Variants in FBXL18 observed in about 807,000 individuals in gnomAD.
FBXL18 encodes the protein F-box/LRR-repeat protein 18.
FBXL18 carries 36 observed loss-of-function variants against 46.0 expected under a neutral mutation model. That is an observed-to-expected ratio of 0.78 (90% CI 0.60 to 1.03). FBXL18 has a LOEUF of 1.03. Ranked by LOEUF, FBXL18 falls within the 50% of genes least tolerant of loss-of-function variation. The pLI, the probability that FBXL18 is intolerant of heterozygous loss-of-function variation, is 0.00. For missense variants in FBXL18, 977 were observed against 1,004.1 expected (o/e 0.97, Z 0.36); for synonymous variants, 557 against 465.3 (o/e 1.20, Z -2.54).
rs899409973 is a variant in FBXL18, at chr7:5,455,351, A to G, written c.2001-7508T>C. 1.3e-5 allele frequency among the ~76,000 whole-genome samples: 2 copies of G among 151,824 alleles called. No individual in the cohort carries two copies. Among genetic ancestry groups the G allele is most frequent in the Non-Finnish European group, 2.9e-5 (2 of 67,932 alleles). On this transcript the variant is annotated intron_variant and NMD_transcript_variant, in intron 4 of 6. Coordinates refer to the FBXL18 transcript ENST00000415009. This position sits in a 1 kb window ranked among gnomAD's most constrained non-coding sequence, Gnocchi z 4.6. ...GAGCACTCAGGGCACATACTTGAACATTCTCAGGCCACATACTTGGGGAGC... is the reference window on the plus strand; with the variant it reads ...GAGCACTCAGGGCACATACTTGAACGTTCTCAGGCCACATACTTGGGGAGC...
chr7:5,505,658 C>T, intron 1 of FBXL18, 28 bp from the exon 2 acceptor site: 1 of 1,593,846 alleles, frequency 6.3e-7, no homozygotes, highest in South Asian at 1.1e-5. Context: ...ACCATTCCCA[C>T]AGGATCCCCA....
intron 2 of FBXL18, among the ~76,000 whole-genome samples, chr7:5,504,773 C>G (rs1229082158): frequency 6.7e-6 from 1 of 148,994 alleles, no homozygotes; most frequent in Non-Finnish European, 1.5e-5. Context: ...AAAATTAGCC[C>G]GGCGTGGTGG....
Position 5,505,409 on chromosome 7 carries a change from C to T in FBXL18, c.237+3G>A, listed in dbSNP as rs762109826. 1 of 1,613,764 alleles carries T rather than the reference C, an allele frequency of 6.2e-7. No individual in the cohort carries two copies. Among genetic ancestry groups the T allele is most frequent in the South Asian group, 1.1e-5 (1 of 91,046 alleles). On this transcript the variant is annotated splice_donor_region_variant and intron_variant, in intron 2 of 4. Coordinates refer to ENST00000382368, the MANE Select transcript of FBXL18 (RefSeq NM_024963.6). ...CTCATCTCCTGCCCCCACGCCTGCT[C>T]ACCTGATAGTCCTTTTGCAGCAACA...
intron 4 of FBXL18, among the ~76,000 whole-genome samples, chr7:5,464,159 C>T (rs2128231266): frequency 6.6e-6 from 1 of 152,194 alleles, no homozygotes; most frequent in African/African-American, 2.4e-5. Context: ...GCCTGGCCAA[C>T]ATGGTGAAAC....
chr7:5,471,283 G>A (rs750902640), downstream of FBXL18, among the ~76,000 whole-genome samples: 25 of 152,274 alleles, frequency 1.6e-4, no homozygotes, highest in Non-Finnish European at 3.1e-4. Context: ...GCAAACCCTC[G>A]GAACACACGG....
At position 5,489,922 on chromosome 7, in the gene FBXL18, A is replaced by T. The variant is rs1356701731; in HGVS notation, c.2000+1309T>A. ...ATCCCGCCACTGCACTCCAGCCTGGACGACAGAGTGAGACTCTGTCTCAAA... is the reference window on the plus strand; with the variant it reads ...ATCCCGCCACTGCACTCCAGCCTGGTCGACAGAGTGAGACTCTGTCTCAAA... On this transcript the variant is annotated intron_variant, in intron 4 of 4. Transcript: ENST00000382368. The T allele has an allele frequency of 1.1e-5, 13 of 1,170,766 alleles. No homozygotes were observed. In the South Asian group the frequency reaches 1.5e-4, roughly 13 times the overall value. 72.5% of individuals were successfully genotyped at this position (1,170,766 alleles called of 1,614,324 possible).
downstream of FBXL18, among the ~76,000 whole-genome samples, chr7:5,472,730 A>C (rs1032928935): frequency 2.0e-5 from 3 of 152,102 alleles, no homozygotes; most frequent in Non-Finnish European, 4.4e-5. Context: ...CCAACTGCTG[A>C]GTCACTGTGG....
chr7:5,474,898 C>CG (rs1412709840), downstream of FBXL18, among the ~76,000 whole-genome samples: 11 of 149,338 alleles, frequency 7.4e-5, no homozygotes, highest in Non-Finnish European at 1.3e-4. Context: ...TCAGTAGAGA[C>CG]GGGGTTTCAC....
At chr7:5,460,597 G>A (rs1783230225) in intron 4 of FBXL18, among the ~76,000 whole-genome samples, 2 of 152,182 alleles carry the variant, frequency 1.3e-5, no homozygotes, top group African/African-American at 4.8e-5. Context: ...GGGGTTACCG[G>A]CATGTGCCAC....
intron 2 of FBXL18, 81 bp from the exon 3 acceptor site, chr7:5,502,112 C>G: frequency 9.9e-7 from 1 of 1,012,614 alleles, no homozygotes; most frequent in South Asian, 1.6e-5. Context: ...TGCGCACACT[C>G]CCCCTTGCAG....
rs768292875 is a variant in FBXL18 at position 5,481,870 on chromosome 7, T to C, written c.2062A>G (p.Thr688Ala). Residue 688 changes from threonine to alanine, a missense_variant, in exon 5 of 5, where the codon ACC becomes GCC. Transcript: ENST00000382368. ...AGGGGGACGTCCCGGATGACGTCGG[T>C]CAGGCCCTCGTGGAGCAGAGGGAAG... Reference protein sequence around the residue: ...VIFPLLHEGLTDVIRDVPLVH... With the variant: ...VIFPLLHEGLADVIRDVPLVH... The C allele has an allele frequency of 6.2e-7, 1 of 1,613,844 alleles. No homozygotes were observed. The highest frequency in any genetic ancestry group is 1.1e-5 in the South Asian group (1 of 91,086).
rs1783166968 is a variant in FBXL18 at position 5,455,939 on chromosome 7, C to G, written c.2001-8096G>C. Among the ~76,000 whole-genome samples the G allele has an allele frequency of 6.6e-6, 1 of 152,160 alleles. No individual in the cohort carries two copies. The highest frequency in any genetic ancestry group is 1.9e-4 in the East Asian group (1 of 5,186). ...TGCTGGCTCCAGCATCGCAGTCTAA[C>G]AGCTCCCTGCCGCATTTCGTTCCCT... On this transcript the variant is annotated intron_variant and NMD_transcript_variant, in intron 4 of 6. Coordinates refer to the FBXL18 transcript ENST00000415009. This position sits in a 1 kb window ranked among gnomAD's most constrained non-coding sequence, Gnocchi z 4.6.
At chr7:5,459,600 C>T (rs897649408) in intron 4 of FBXL18, among the ~76,000 whole-genome samples, 6 of 152,018 alleles carry the variant, frequency 3.9e-5, no homozygotes, top group South Asian at 2.1e-4. Context: ...ATTAGCCAGG[C>T]GTGGTAGCAG....
Position 5,501,779 on chromosome 7 carries a change from T to G in FBXL18, c.490A>C (p.Ser164Arg). The G allele has an allele frequency of 8.3e-6, 13 of 1,561,724 alleles. No homozygotes were observed. Among genetic ancestry groups the G allele is most frequent in the Non-Finnish European group, 1.1e-5 (13 of 1,152,744 alleles). Reference sequence around the variant, plus strand: ...CGGCTCAGGGTGGCCTTGCACTCGCTGCTCAGCTGGCTGGCGTCGAAGCCG... The same window carrying G: ...CGGCTCAGGGTGGCCTTGCACTCGCGGCTCAGCTGGCTGGCGTCGAAGCCG... ...SPGFDASQLS[S>R]ECKATLSRVR... The change falls in exon 3 of 5, where the codon AGC becomes CGC. Residue 164 changes from serine (S) to arginine (R), a missense_variant. Coordinates refer to ENST00000382368, the MANE Select transcript of FBXL18 (RefSeq NM_024963.6).
intron 3 of FBXL18, chr7:5,495,725 C>T (rs1045021154): frequency 4.4e-6 from 2 of 454,556 alleles, no homozygotes; most frequent in Non-Finnish European, 9.1e-6. Context: ...TTCCTCTGCA[C>T]AGCTCCTGCC....
At chr7:5,508,125 G>T (rs1265820925) in intron 1 of FBXL18, among the ~76,000 whole-genome samples, 1 of 151,994 alleles carries the variant, frequency 6.6e-6, no homozygotes, top group East Asian at 1.9e-4. Context: ...AACTAGCCAG[G>T]CGTGGTGGCA....
In FBXL18 at chr7:5,467,380, T is replaced by C. The variant is rs183156676; in HGVS notation, c.2001-19537A>G. Among the ~76,000 whole-genome samples the C allele has an allele frequency of 1.9e-3, 276 of 148,864 alleles. 3 individuals are homozygous for C. Among genetic ancestry groups the C allele is most frequent in the African/African-American group, 6.6e-3 (269 of 40,550 alleles). ...AATAATAATAATAAATAATAAATAATAAATAAAAATAAAAAATTAGCTGGG... is the reference window on the plus strand; with the variant it reads ...AATAATAATAATAAATAATAAATAACAAATAAAAATAAAAAATTAGCTGGG... On this transcript the variant is annotated intron_variant and NMD_transcript_variant, in intron 4 of 6. Coordinates refer to the FBXL18 transcript ENST00000415009.
intron 4 of FBXL18, among the ~76,000 whole-genome samples, chr7:5,488,150 G>A (rs1331427515): frequency 6.6e-6 from 1 of 152,256 alleles, no homozygotes; most frequent in Non-Finnish European, 1.5e-5. Flanking sequence ...ATCCACCTTA[G>A]ATCATCAGAC....
intron 4 of FBXL18, among the ~76,000 whole-genome samples, chr7:5,460,395 A>G (rs1471485998): frequency 1.3e-5 from 2 of 152,218 alleles, no homozygotes; most frequent in Admixed American, 1.3e-4. Flanking sequence ...AGATACCATG[A>G]GTCTGTCATT....
Sources: allele counts gnomAD v4.1 joint callset (sites outside exome capture counted in the v4.1 genomes callset), GRCh38; gene constraint gnomAD v4.1.1; non-coding constraint Gnocchi (gnomAD v3.1); transcripts MANE v1.5; gene names NCBI Gene and HGNC (gene_info 2026-07-23, HGNC 2026-07-21).